The following CLPX variants were observed in gnomAD, a reference collection of about 807,000 sequenced individuals.
CLPX encodes the protein caseinolytic mitochondrial matrix peptidase chaperone subunit X.
A neutral mutation model predicts 76.4 loss-of-function variants in CLPX; 34 were observed. The ratio of observed to expected loss-of-function variants is 0.45; its 90% confidence interval spans 0.34 to 0.59. The LOEUF (loss-of-function observed/expected upper bound fraction) is 0.59, where lower values mean the gene tolerates loss of function less well. Among genes scored for constraint, CLPX ranks in the 20% least tolerant of loss-of-function variants. The pLI is 0.01. For synonymous variants in CLPX, 248 were observed against 270.9 expected, an observed-to-expected ratio of 0.92 and a Z score of 0.83; for missense variants, 613 against 757.0, an observed-to-expected ratio of 0.81 and a Z score of 2.23.
intron 6 of CLPX, 46 bp from the exon 7 acceptor site, chr15:65,158,797 C>G (rs758960489): frequency 2.7e-6 from 4 of 1,476,170 alleles, no homozygotes; most frequent in Non-Finnish European, 3.6e-6. Context: ...TTTGAATTTA[C>G]TTGAAGAAAA....
At chr15:65,162,520 C>T in intron 6 of CLPX, 84 bp downstream of exon 6, 1 of 858,696 alleles carries the variant, frequency 1.2e-6, no homozygotes, top group Non-Finnish European at 1.9e-6. Flanking sequence ...ACATACATGT[C>T]TATCACTGTT....
At position 65,162,797 on chromosome 15, in the gene CLPX, A is replaced by G. The variant is rs1452227916; in HGVS notation, c.674-152T>C. On this transcript the variant is annotated intron_variant, in intron 5 of 13. Coordinates refer to ENST00000300107, the MANE Select transcript of CLPX (RefSeq NM_006660.5). ...TATATGCTATATCTTTTCTATATTAAAACAAAACCATGCATAAAGACCGCT... is the reference window on the plus strand; with the variant it reads ...TATATGCTATATCTTTTCTATATTAGAACAAAACCATGCATAAAGACCGCT... 3 of 543,938 alleles carry G rather than the reference A, an allele frequency of 5.5e-6. No homozygotes were observed. The Admixed American group carries it at 1.1e-4, about 19-fold the overall frequency. 33.7% of individuals were successfully genotyped at this position (543,938 alleles called of 1,614,324 possible). A position where few individuals can be genotyped will look rare whatever the true frequency, so the allele number is the denominator to read the frequency against.
At chr15:65,155,587 T>C (rs558367127) in intron 10 of CLPX, 105 bp downstream of exon 10, 349 of 978,160 alleles carry the variant, frequency 3.6e-4, no homozygotes, top group Non-Finnish European at 5.3e-4. Context: ...ACCCAACTCT[T>C]ATAATTAAAA....
chr15:65,153,562 G>C lies in CLPX; in HGVS notation c.1689C>G (p.Gly563=), dbSNP rs780528230. Residue 563 remains glycine (G), a synonymous_variant, in exon 12 of 14, where the codon GGC becomes GGG. Transcript: ENST00000300107. ...LALERKTGAR[G]LRSIMEKLLL... ...GCCAACTCACCATTATGGACCGAAG[G>C]CCTCGTGCACCTGTTTTTCGTTCTA... 1.1e-5 allele frequency: 18 copies of C among 1,593,126 alleles called. No homozygotes were observed. Among genetic ancestry groups the C allele is most frequent in the Non-Finnish European group, 1.5e-5 (18 of 1,168,732 alleles).
intron 3 of CLPX, among the ~76,000 whole-genome samples, chr15:65,175,228 G>A (rs993506508): frequency 3.3e-5 from 5 of 152,230 alleles, no homozygotes; most frequent in African/African-American, 7.2e-5. Context: ...GCTCACACCT[G>A]TAATGCCAGC....
intron 10 of CLPX, among the ~76,000 whole-genome samples, 191 bp downstream of exon 10, chr15:65,155,501 G>A (rs2087777088): frequency 6.6e-6 from 1 of 152,100 alleles, no homozygotes. Flanking sequence ...GCCCACCTTG[G>A]CCTCCCAAAG....
At chr15:65,163,928 C>T in intron 5 of CLPX, 101 bp downstream of exon 5, 2 of 1,126,454 alleles carry the variant, frequency 1.8e-6, no homozygotes, top group Non-Finnish European at 2.6e-6. Context: ...AAAAATGCCA[C>T]ACTATATAAA....
chr15:65,174,350 C>T (rs899209331), intron 3 of CLPX, among the ~76,000 whole-genome samples: 8 of 149,896 alleles, frequency 5.3e-5, no homozygotes, highest in East Asian at 4.0e-4. Flanking sequence ...CTGCAACCTC[C>T]GCCTCCCGGG....
intron 3 of CLPX, among the ~76,000 whole-genome samples, chr15:65,172,590 C>T (rs2088025302): frequency 1.3e-5 from 2 of 152,078 alleles, no homozygotes; most frequent in South Asian, 4.1e-4. Flanking sequence ...CTCGATCACA[C>T]CACTGCACTC....
At chr15:65,154,754 A>T in intron 11 of CLPX, 28 bp downstream of exon 11, 2 of 1,529,110 alleles carry the variant, frequency 1.3e-6, no homozygotes, top group South Asian at 1.2e-5. Flanking sequence ...AATAAAAAAT[A>T]ACTAAGTACA....
chr15:65,159,426 C>A (rs2087826462), intron 6 of CLPX, among the ~76,000 whole-genome samples: 1 of 152,190 alleles, frequency 6.6e-6, no homozygotes, highest in Non-Finnish European at 1.5e-5. Context: ...GCCTGGCCAA[C>A]ACGGTGAAAC....
In CLPX at chr15:65,182,917, C is replaced by G. The variant is rs192481995; in HGVS notation, c.79+2158G>C. Among the ~76,000 whole-genome samples the G allele has an allele frequency of 1.9e-3, 287 of 152,262 alleles. 1 individual carries two copies. Among genetic ancestry groups the G allele is most frequent in the African/African-American group, 6.2e-3 (256 of 41,530 alleles). ...GTGGCTCAAGCCTGTAATCCTAGCA[C>G]TTTGGGAGGCCAAGGCGGGTGATCT... On this transcript the variant is annotated intron_variant, in intron 1 of 13. Transcript: ENST00000300107.
At chr15:65,166,513 A>C in intron 4 of CLPX, 118 bp downstream of exon 4, 1 of 1,083,422 alleles carries the variant, frequency 9.2e-7, no homozygotes, top group Non-Finnish European at 1.4e-6. Flanking sequence ...GGTCCATATT[A>C]TGAACCTATA....
intron 1 of CLPX, among the ~76,000 whole-genome samples, chr15:65,181,736 G>A (rs544048802): frequency 2.0e-5 from 3 of 149,062 alleles, no homozygotes; most frequent in East Asian, 2.0e-4. Context: ...GCAACGGAGC[G>A]AGGCTCTGTC....
Position 65,179,031 on chromosome 15 carries a change from A to G in CLPX, c.261T>C (p.Ser87=), listed in dbSNP as rs1405829610. Residue 87 remains serine (S), a synonymous_variant, in exon 3 of 14, where the codon AGT becomes AGC. Transcript: ENST00000300107. ...AATTCCCAGAGCCTGATTTCTTACTACTTCCCTCACTTGCTGATTTCTAAC... is the reference window on the plus strand; with the variant it reads ...AATTCCCAGAGCCTGATTTCTTACTGCTTCCCTCACTTGCTGATTTCTAAC... The part of the protein sequence containing the change: ...DGNKKSASEG[S]SKKSGSGNSG... The G allele has an allele frequency of 2.5e-6, 4 of 1,609,082 alleles. No individual in the cohort carries two copies. The highest frequency in any genetic ancestry group is 4.5e-5 in the East Asian group (2 of 44,830).
At chr15:65,184,395 G>C (rs1480392825) in intron 1 of CLPX, 1 of 152,410 alleles carries the variant, frequency 6.6e-6, no homozygotes, top group South Asian at 2.1e-4. Flanking sequence ...AGCCAGCAAA[G>C]GACTGCTGAA....
chr15:65,172,032 G>T (rs1244359807), intron 3 of CLPX, among the ~76,000 whole-genome samples: 1 of 152,116 alleles, frequency 6.6e-6, no homozygotes, highest in Non-Finnish European at 1.5e-5. Flanking sequence ...TTTCACTCTT[G>T]TTGCCCAGGC....
Position 65,185,099 on chromosome 15 carries a change from AGGT to A in CLPX, c.52_54del (p.Thr18del), listed in dbSNP as rs2140658912. 5 of 1,573,990 alleles carry A rather than the reference AGGT, an allele frequency of 3.2e-6. No homozygotes were observed. The highest frequency in any genetic ancestry group is 1.4e-5 in the African/African-American group (1 of 73,040). The stretch of plus-strand genomic sequence containing the variant: ...CCTCTCTGCGCGGAGGCGAGTGAGG[AGGT>A]GATGAGCCGGACGGCCGCCGCGCCG... On this transcript the variant is annotated inframe_deletion, in exon 1 of 14. Transcript: ENST00000300107.
intron 6 of CLPX, among the ~76,000 whole-genome samples, chr15:65,160,619 TCTCTCA>T (rs1483965105): frequency 1.8e-3 from 238 of 132,636 alleles, no homozygotes; most frequent in South Asian, 5.4e-3. Flanking sequence ...TCTCTCTCTC[TCTCTCA>T]CACACACACA....
Sources: allele counts gnomAD v4.1 joint callset (sites outside exome capture counted in the v4.1 genomes callset), GRCh38; gene constraint gnomAD v4.1.1; transcripts MANE v1.5; gene names NCBI Gene and HGNC (gene_info 2026-07-23, HGNC 2026-07-21).